Variants in CR2 observed in about 807,000 individuals in gnomAD.
The protein encoded by CR2 is complement receptor type 2.
Under a neutral mutation model 123.0 loss-of-function variants are expected in CR2, and 96 were observed. The observed-to-expected ratio is 0.78, with a 90% CI of 0.66 to 0.93. The LOEUF (loss-of-function observed/expected upper bound fraction) is 0.93, where lower values mean the gene tolerates loss of function less well. CR2 is among the 40% of genes least tolerant of loss of function. The pLI, the probability that CR2 is intolerant of heterozygous loss-of-function variation, is 0.00. For synonymous variants in CR2, 484 were observed against 469.5 expected, an observed-to-expected ratio of 1.03 and a Z score of -0.40; for missense variants, 1,258 against 1,361.0, an observed-to-expected ratio of 0.92 and a Z score of 1.19.
At chr1:207,483,606 G>A (rs924743165) in intron 18 of CR2, among the ~76,000 whole-genome samples, 5 of 151,846 alleles carry the variant, frequency 3.3e-5, no homozygotes, top group African/African-American at 1.2e-4. Context: ...TTTAATAAGA[G>A]GTTTTTTGCT....
In CR2 at chr1:207,474,255, G is replaced by C. The variant is rs1658370348; in HGVS notation, c.2255G>C (p.Gly752Ala). 3 of 1,612,728 alleles carry C rather than the reference G, an allele frequency of 1.9e-6. No homozygotes were observed. Among genetic ancestry groups the C allele is most frequent in the Non-Finnish European group, 1.7e-6 (2 of 1,178,974 alleles). ...TSCQDGYQLT[G>A]HAYQMCQDAE... ...TCTCTCTGTAGGTACCAGTTGACTG[G>C]ACATGCTTATCAGATGTGTCAAGAT... The change falls in exon 13 of 20, where the codon GGA becomes GCA. Residue 752 changes from glycine to alanine, a missense_variant. By Grantham distance (60) the Gly-to-Ala change is moderately conservative (BLOSUM62 0). Coordinates refer to ENST00000367057, the MANE Select transcript of CR2 (RefSeq NM_001006658.3).
intron 1 of CR2, among the ~76,000 whole-genome samples, chr1:207,457,630 GATAAATCCAATGGTC>G (rs1347791080): frequency 1.3e-4 from 20 of 152,138 alleles, no homozygotes; most frequent in Non-Finnish European, 1.9e-4. Flanking sequence ...CCCTTATGCT[GATAAATCCAATGGTC>G]ATTTTTCTAT....
In CR2 at chr1:207,466,681, G is replaced by A. The variant is rs759188564; in HGVS notation, c.214G>A (p.Asp72Asn). The change falls in exon 2 of 20, where the codon GAT (aspartate) becomes AAT (asparagine). Residue 72 changes from aspartate (D) to asparagine (N), a missense_variant. Coordinates refer to ENST00000367057, the MANE Select transcript of CR2 (RefSeq NM_001006658.3). ...SLLCITKDKVDGTWDKPAPKC... is the reference protein window; with the variant it reads ...SLLCITKDKVNGTWDKPAPKC... ...ATTATGCATAACTAAAGACAAAGTGGATGGAACCTGGGATAAACCTGCTCC... is the reference window on the plus strand; with the variant it reads ...ATTATGCATAACTAAAGACAAAGTGAATGGAACCTGGGATAAACCTGCTCC... The A allele has an allele frequency of 3.7e-6, 6 of 1,614,108 alleles. No individual in the cohort carries two copies. The highest frequency in any genetic ancestry group is 8.5e-7 in the Non-Finnish European group (1 of 1,180,006).
At position 207,472,995 on chromosome 1, in the gene CR2, T is replaced by C; in HGVS notation, c.1794T>C (p.Leu598=). The part of the protein sequence containing the change: ...GPAPLCKLSL[L]AVQCSHVHIA... ...CTCCCCTGTGTAAACTTTCCCTCCT[T>C]GCTGTCCAGTGCTCACATGTCCATA... The change falls in exon 10 of 20, where the codon CTT becomes CTC. Residue 598 remains leucine (L), a synonymous_variant. Transcript: ENST00000367057. 6.2e-7 allele frequency: 1 copy of C among 1,613,998 alleles called. No individual in the cohort carries two copies. Among genetic ancestry groups the C allele is most frequent in the Non-Finnish European group, 8.5e-7 (1 of 1,179,944 alleles).
chr1:207,465,637 T>C lies in CR2; in HGVS notation c.59-889T>C, dbSNP rs563579365. Among the ~76,000 whole-genome samples, 33 of 152,348 alleles carry C rather than the reference T, an allele frequency of 2.2e-4. No homozygotes were observed. In the South Asian group the frequency reaches 6.8e-3, roughly 32 times the overall value. Reference sequence around the variant, plus strand: ...GAAACAGTTTGGCTGTATCTTCTTATGTCAGTTTTCACTGAAGACCTCCTC... The same window carrying C: ...GAAACAGTTTGGCTGTATCTTCTTACGTCAGTTTTCACTGAAGACCTCCTC... On this transcript the variant is annotated intron_variant, in intron 1 of 19. Transcript: ENST00000367057.
At chr1:207,461,091 A>C (rs1657952940) in intron 1 of CR2, among the ~76,000 whole-genome samples, 1 of 152,182 alleles carries the variant, frequency 6.6e-6, no homozygotes. Flanking sequence ...CCACAAATTC[A>C]CAAATAGCGT....
At chr1:207,458,077 C>CACACACACACACACACACACACACAT (rs1657882443) in intron 1 of CR2, among the ~76,000 whole-genome samples, 1 of 150,078 alleles carries the variant, frequency 6.7e-6, no homozygotes, top group African/African-American at 2.5e-5. Context: ...CACACACACA[C>CACACACACACACACACACACACACAT]ACACACACAC....
intron 18 of CR2, 115 bp downstream of exon 18, chr1:207,480,168 C>A: frequency 1.3e-6 from 1 of 789,234 alleles, no homozygotes; most frequent in Non-Finnish European, 2.2e-6. Context: ...AATGTGATAA[C>A]TAAATGAAGT....
intron 1 of CR2, 31 bp from the exon 2 acceptor site, chr1:207,466,495 A>T: frequency 1.2e-6 from 2 of 1,613,326 alleles, no homozygotes; most frequent in Non-Finnish European, 1.7e-6. Flanking sequence ...CATGATCAGT[A>T]TGCCTACCAA....
intron 1 of CR2, among the ~76,000 whole-genome samples, chr1:207,466,022 A>G (rs1216139911): frequency 6.6e-6 from 1 of 152,224 alleles, no homozygotes; most frequent in African/African-American, 2.4e-5. Context: ...ATGTACTTTT[A>G]GCACTGGATT....
intron 18 of CR2, among the ~76,000 whole-genome samples, chr1:207,481,801 G>A (rs1425071314): frequency 6.6e-6 from 1 of 151,946 alleles, no homozygotes; most frequent in Non-Finnish European, 1.5e-5. Flanking sequence ...TTTTGGTTAT[G>A]TCTTATAAGT....
Position 207,469,718 on chromosome 1 carries a change from C to T in CR2, c.841C>T (p.Pro281Ser). The T allele has an allele frequency of 6.2e-7, 1 of 1,613,886 alleles. No homozygotes were observed. Among genetic ancestry groups the T allele is most frequent in the Non-Finnish European group, 8.5e-7 (1 of 1,179,868 alleles). Reference sequence around the variant, plus strand: ...AGAAATTTTTTGCCCATCACCTCCCCCTATTCTCAATGGAAGACATATAGG... The same window carrying T: ...AGAAATTTTTTGCCCATCACCTCCCTCTATTCTCAATGGAAGACATATAGG... ...CEEIFCPSPP[P>S]ILNGRHIGNS... Residue 281 changes from proline to serine, a missense_variant, in exon 6 of 20, where the codon CCT (proline) becomes TCT (serine). Physicochemically the swap from Pro to Ser is moderately conservative, Grantham distance 74. Transcript: ENST00000367057.
At chr1:207,458,277 A>ATT (rs35162505) in intron 1 of CR2, among the ~76,000 whole-genome samples, 65 of 146,248 alleles carry the variant, frequency 4.4e-4, no homozygotes, top group Middle Eastern at 6.9e-3. Flanking sequence ...GCCAAGCTTC[A>ATT]TTTTTTTTTT....
chr1:207,473,911 G>C (rs1445585000), intron 12 of CR2, 26 bp downstream of exon 12: 1 of 1,603,778 alleles, frequency 6.2e-7, no homozygotes, highest in Non-Finnish European at 8.5e-7. Context: ...TCTATTCTGA[G>C]AAAAGGTCTC....
rs1558189894 is a variant in CR2, at chr1:207,468,280, C to T, written c.446-247C>T. On this transcript the variant is annotated intron_variant, in intron 2 of 19. Coordinates refer to ENST00000367057, the MANE Select transcript of CR2 (RefSeq NM_001006658.3). ...TCGCTACCCGTGGACAGCATGTGGC[C>T]CAGGATGGCTTTGAATGTGGCCCAA... 3 of 529,910 alleles carry T rather than the reference C, an allele frequency of 5.7e-6. No individual in the cohort carries two copies. The East Asian group carries it at 1.0e-4, about 18-fold the overall frequency. The allele number at this position is 529,910 out of a possible 1,614,324, so 32.8% of individuals were successfully genotyped here.
chr1:207,484,647 C>G (rs1476452621), intron 18 of CR2, among the ~76,000 whole-genome samples: 1 of 152,212 alleles, frequency 6.6e-6, no homozygotes, highest in African/African-American at 2.4e-5. Context: ...GTGTCTTTAG[C>G]AGTATTCTTT....
At chr1:207,464,714 A>C (rs1011525943) in intron 1 of CR2, among the ~76,000 whole-genome samples, 3 of 152,198 alleles carry the variant, frequency 2.0e-5, no homozygotes, top group African/African-American at 7.2e-5. Context: ...CCTGAAAGGC[A>C]GCAATGTAAT....
intron 14 of CR2, among the ~76,000 whole-genome samples, chr1:207,476,005 G>A (rs183638126): frequency 1.8e-4 from 27 of 152,312 alleles, no homozygotes; most frequent in African/African-American, 6.5e-4. Context: ...ATCCATTAAT[G>A]TTTCATTATC....
intron 2 of CR2, among the ~76,000 whole-genome samples, chr1:207,467,416 C>T (rs924577939): frequency 5.3e-5 from 8 of 152,058 alleles, no homozygotes; most frequent in African/African-American, 1.7e-4. Context: ...TCTTCTGAGC[C>T]ATCACATTTC....
Sources: gnomAD v4.1 joint callset for allele counts (sites outside exome capture counted in the v4.1 genomes callset) on GRCh38, gnomAD v4.1.1 for gene constraint, MANE v1.5 for transcripts, NCBI Gene and HGNC (gene_info 2026-07-23, HGNC 2026-07-21) for gene names.